Variants in SH3PXD2A observed in about 807,000 individuals in gnomAD.
SH3PXD2A encodes the protein SH3 and PX domains 2A, also known as SH3 and PX domain-containing protein 2A.
In SH3PXD2A, 32 loss-of-function variants were observed where a neutral mutation model predicts 115.2. The ratio of observed to expected loss-of-function variants is 0.28; its 90% CI spans 0.21 to 0.37. The LOEUF (loss-of-function observed/expected upper bound fraction) is 0.37, where lower values mean the gene tolerates loss of function less well. Ranked by LOEUF, SH3PXD2A falls within the 10% of genes least tolerant of loss-of-function variation. The pLI, the probability that SH3PXD2A is intolerant of heterozygous loss-of-function variation, is 1.00. For missense variants in SH3PXD2A, 1,328 were observed against 1,498.7 expected (o/e 0.89, Z 1.88); for synonymous variants, 610 against 629.1 (o/e 0.97, Z 0.45).
intron 1 of SH3PXD2A, among the ~76,000 whole-genome samples, chr10:103,850,967 CTG>C (rs1842891364): frequency 6.6e-6 from 1 of 152,098 alleles, no homozygotes; most frequent in African/African-American, 2.4e-5. Flanking sequence ...GGTGAGGAGA[CTG>C]AGGCTCAGAG....
chr10:103,735,661 C>T (rs1458675160), intron 4 of SH3PXD2A, 71 bp downstream of exon 4: 6 of 1,200,860 alleles, frequency 5.0e-6, no homozygotes, highest in Non-Finnish European at 7.4e-6. Context: ...GATGGACACT[C>T]AGGCAAATGG....
intron 1 of SH3PXD2A, among the ~76,000 whole-genome samples, chr10:103,820,123 T>C (rs1376917667): frequency 6.6e-6 from 1 of 152,188 alleles, no homozygotes; most frequent in African/African-American, 2.4e-5. Flanking sequence ...AGTCAATGAC[T>C]TTGTTTCACG....
chr10:103,821,713 G>A (rs1288203344), intron 1 of SH3PXD2A, among the ~76,000 whole-genome samples: 4 of 152,074 alleles, frequency 2.6e-5, no homozygotes, highest in Middle Eastern at 3.4e-3. Flanking sequence ...CTACAGGGGC[G>A]CATCACCATG....
chr10:103,646,371 C>T (rs880549), intron 8 of SH3PXD2A, among the ~76,000 whole-genome samples: 36,110 of 152,064 alleles, frequency 0.24, 4,885 homozygotes, highest in Non-Finnish European at 0.3. Flanking sequence ...CACACTCAAA[C>T]CAGATACTCC....
chr10:103,810,516 G>A (rs980631032), intron 1 of SH3PXD2A, among the ~76,000 whole-genome samples: 2 of 152,164 alleles, frequency 1.3e-5, no homozygotes, highest in African/African-American at 4.8e-5. Context: ...TCCACTTGAT[G>A]GATTTGAATT....
At chr10:103,814,014 A>AC (rs1564895792) in intron 1 of SH3PXD2A, among the ~76,000 whole-genome samples, 1 of 134,974 alleles carries the variant, frequency 7.4e-6, no homozygotes, top group African/African-American at 2.9e-5. Context: ...AAAAAAAAAA[A>AC]ACAACAAAAA....
At chr10:103,834,154 G>A (rs899030749) in intron 1 of SH3PXD2A, among the ~76,000 whole-genome samples, 1 of 152,204 alleles carries the variant, frequency 6.6e-6, no homozygotes, top group South Asian at 2.1e-4. Context: ...AAGGTGGCAA[G>A]AGGAAATGCT....
chr10:103,720,186 C>T (rs1266728725), intron 5 of SH3PXD2A, among the ~76,000 whole-genome samples: 2 of 152,238 alleles, frequency 1.3e-5, no homozygotes, highest in Non-Finnish European at 2.9e-5. Flanking sequence ...ATGCTGTGTC[C>T]TCACATGATG....
intron 5 of SH3PXD2A, among the ~76,000 whole-genome samples, chr10:103,706,451 C>T (rs951859716): frequency 2.0e-5 from 3 of 152,142 alleles, no homozygotes; most frequent in African/African-American, 7.2e-5. Context: ...TTTCTGGCAC[C>T]CCCCCAAACC....
chr10:103,613,240 G>T, intron 11 of SH3PXD2A, 50 bp from the exon 12 acceptor site: 1 of 1,406,682 alleles, frequency 7.1e-7, no homozygotes, highest in Non-Finnish European at 9.7e-7. Flanking sequence ...TGACCTCACA[G>T]CCCACTCCCA....
intron 11 of SH3PXD2A, among the ~76,000 whole-genome samples, 154 bp from the exon 12 acceptor site, chr10:103,613,344 C>T (rs906178436): frequency 3.9e-5 from 6 of 152,156 alleles, no homozygotes; most frequent in Non-Finnish European, 5.9e-5. Context: ...GAAATGGCAC[C>T]GAGGGTAGAT....
At chr10:103,653,177 C>T (rs779228232) in intron 8 of SH3PXD2A, among the ~76,000 whole-genome samples, 1 of 152,180 alleles carries the variant, frequency 6.6e-6, no homozygotes, top group African/African-American at 2.4e-5. Flanking sequence ...AATATTTGAG[C>T]CCCATGAGGG....
At chr10:103,755,334 G>A (rs1395519397) in intron 3 of SH3PXD2A, 1 of 152,182 alleles carries the variant, frequency 6.6e-6, no homozygotes, top group Non-Finnish European at 1.5e-5. Context: ...AACCCTGAAG[G>A]GATTTCAGAG....
intron 4 of SH3PXD2A, among the ~76,000 whole-genome samples, chr10:103,724,838 T>G (rs2038221734): frequency 6.6e-6 from 1 of 151,244 alleles, no homozygotes; most frequent in African/African-American, 2.4e-5. Flanking sequence ...CTTAGGGTCC[T>G]CAGGAGCTAA....
At chr10:103,650,455 C>T (rs1335752164) in intron 8 of SH3PXD2A, among the ~76,000 whole-genome samples, 1 of 152,228 alleles carries the variant, frequency 6.6e-6, no homozygotes, top group Admixed American at 6.5e-5. Context: ...CCCTTCAAAG[C>T]CCTTGACCAG....
intron 11 of SH3PXD2A, among the ~76,000 whole-genome samples, chr10:103,614,976 C>CGTGGG (rs2036487380): frequency 6.6e-6 from 1 of 152,114 alleles, no homozygotes; most frequent in African/African-American, 2.4e-5. Context: ...TGAGTTAACA[C>CGTGGG]GTGGGTGGGA....
intron 1 of SH3PXD2A, among the ~76,000 whole-genome samples, chr10:103,848,117 G>A (rs1842865209): frequency 6.6e-6 from 1 of 152,144 alleles, no homozygotes; most frequent in Non-Finnish European, 1.5e-5. Flanking sequence ...GAGTGTGGAT[G>A]GAAATTACTC....
intron 1 of SH3PXD2A, among the ~76,000 whole-genome samples, chr10:103,846,386 C>T (rs746913537): frequency 6.6e-6 from 1 of 152,126 alleles, no homozygotes; most frequent in African/African-American, 2.4e-5. Flanking sequence ...AACCAGAGGC[C>T]GTTTTCTAGA....
intron 1 of SH3PXD2A, among the ~76,000 whole-genome samples, chr10:103,851,408 A>T (rs972598128): frequency 3.3e-5 from 5 of 152,132 alleles, no homozygotes; most frequent in African/African-American, 1.2e-4. Context: ...CACATGGTAG[A>T]TGTCTCTACA....
Sources: gnomAD v4.1 joint callset for allele counts (sites outside exome capture counted in the v4.1 genomes callset) on GRCh38, gnomAD v4.1.1 for gene constraint, MANE v1.5 for transcripts, NCBI Gene and HGNC (gene_info 2026-07-23, HGNC 2026-07-21) for gene names.